Variants in TTC21B observed in about 807,000 individuals in gnomAD.
The protein encoded by TTC21B is tetratricopeptide repeat protein 21B.
TTC21B carries 127 observed loss-of-function variants against 175.1 expected under a neutral mutation model. The observed-to-expected ratio is 0.73, with a 90% confidence interval of 0.63 to 0.84. TTC21B has a LOEUF of 0.84. Among genes scored for constraint, TTC21B ranks in the 40% least tolerant of loss-of-function variants. The probability of loss-of-function intolerance (pLI) is 0.00; values close to 1 mark genes in which losing one functional copy is unlikely to be tolerated. For synonymous variants in TTC21B, 524 were observed against 524.5 expected, an observed-to-expected ratio of 1.00 and a Z score of 0.01; for missense variants, 1,561 against 1,558.3, an observed-to-expected ratio of 1.00 and a Z score of -0.03.
intron 24 of TTC21B, among the ~76,000 whole-genome samples, chr2:165,889,848 C>T (rs951914413): frequency 6.6e-6 from 1 of 152,142 alleles, no homozygotes; most frequent in African/African-American, 2.4e-5. Context: ...TTAAACACTC[C>T]TGAAGACAGA....
At chr2:165,948,029 C>G (rs1445782296) in intron 3 of TTC21B, 1 of 152,182 alleles carries the variant, frequency 6.6e-6, no homozygotes, top group Non-Finnish European at 1.5e-5. Flanking sequence ...AAATTTTCTG[C>G]TCTAGCTAAA....
At chr2:165,880,469 A>G (rs1393782004) in intron 27 of TTC21B, among the ~76,000 whole-genome samples, 1 of 152,206 alleles carries the variant, frequency 6.6e-6, no homozygotes, top group East Asian at 1.9e-4. Context: ...ACACTAAGTG[A>G]CTGAGGACAA....
chr2:165,942,133 G>C (rs1423175705), intron 5 of TTC21B, among the ~76,000 whole-genome samples: 1 of 152,018 alleles, frequency 6.6e-6, no homozygotes, highest in Non-Finnish European at 1.5e-5. Context: ...GAGGGTAGTG[G>C]GCCTGAACAC....
At chr2:165,930,149 A>G (rs771753235) in intron 9 of TTC21B, 23 bp downstream of exon 9, 3 of 1,604,094 alleles carry the variant, frequency 1.9e-6, no homozygotes, top group South Asian at 2.2e-5. Context: ...TATTATAAAT[A>G]TTTATGAAAA....
intron 9 of TTC21B, 123 bp downstream of exon 9, chr2:165,930,049 G>A: frequency 1.2e-6 from 1 of 866,344 alleles, no homozygotes; most frequent in Non-Finnish European, 1.8e-6. Context: ...TTCGAGTGTG[G>A]GCAGTAGAGA....
At chr2:165,939,482 G>T (rs763806480) in intron 6 of TTC21B, among the ~76,000 whole-genome samples, 13 of 152,234 alleles carry the variant, frequency 8.5e-5, no homozygotes, top group South Asian at 6.2e-4. Context: ...TATTACCTAT[G>T]AAATTTACTT....
At chr2:165,914,682 T>TGTGTGTGTGTGTGCGCGCGCGCGC (rs1686089025) in intron 15 of TTC21B, among the ~76,000 whole-genome samples, 1 of 149,760 alleles carries the variant, frequency 6.7e-6, no homozygotes, top group African/African-American at 2.5e-5. Context: ...TGTGTGTGTG[T>TGTGTGTGTGTGTGCGCGCGCGCGC]GTGTGTGTGT....
At chr2:165,949,862 A>G in intron 1 of TTC21B, 138 bp from the exon 2 acceptor site, 1 of 766,780 alleles carries the variant, frequency 1.3e-6, no homozygotes, top group Non-Finnish European at 2.1e-6. Context: ...TTCTTAAAAT[A>G]CTATTAATGG....
At chr2:165,947,589 A>C (rs1055014273) in intron 3 of TTC21B, 12 of 152,416 alleles carry the variant, frequency 7.9e-5, no homozygotes, top group African/African-American at 2.9e-4. Context: ...AGGCAGAAGC[A>C]GGCATTGTAC....
At chr2:165,906,809 G>C (rs1685750604) in intron 19 of TTC21B, among the ~76,000 whole-genome samples, 2 of 151,826 alleles carry the variant, frequency 1.3e-5, no homozygotes, top group South Asian at 2.1e-4. Flanking sequence ...ACAAAAATTA[G>C]CTGGGCATGG....
At position 165,945,708 on chromosome 2, in the gene TTC21B, T is replaced by C; in HGVS notation, c.263-18A>G. 1 of 1,609,220 alleles carries C rather than the reference T, an allele frequency of 6.2e-7. No individual in the cohort carries two copies. The highest frequency in any genetic ancestry group is 2.2e-5 in the East Asian group (1 of 44,778). ...TTCTCTATCTGGTAGGGGAAAATGA[T>C]ATTAAATAAAAATTAAATTCTGGAT... On this transcript the variant is annotated intron_variant, in intron 3 of 28. Transcript: ENST00000243344.
chr2:165,936,529 C>T (rs1247413675), intron 6 of TTC21B, among the ~76,000 whole-genome samples: 1 of 151,920 alleles, frequency 6.6e-6, no homozygotes, highest in Non-Finnish European at 1.5e-5. Flanking sequence ...AAATATTTAT[C>T]AGATATAGAT....
intron 22 of TTC21B, among the ~76,000 whole-genome samples, chr2:165,891,371 C>A (rs1239676117): frequency 6.6e-6 from 1 of 152,142 alleles, no homozygotes; most frequent in Non-Finnish European, 1.5e-5. Flanking sequence ...TCTCTGAGAA[C>A]CCCTCTCCTA....
intron 13 of TTC21B, among the ~76,000 whole-genome samples, chr2:165,918,497 G>A (rs867556991): frequency 6.6e-6 from 1 of 151,952 alleles, no homozygotes; most frequent in Admixed American, 6.6e-5. Flanking sequence ...GGTTTTCACT[G>A]TGTTAGCCAG....
Position 165,949,376 on chromosome 2 carries a change from T to C in TTC21B, c.262+18A>G. 1 of 1,554,148 alleles carries C rather than the reference T, an allele frequency of 6.4e-7. No homozygotes were observed. The highest frequency in any genetic ancestry group is 8.9e-7 in the Non-Finnish European group (1 of 1,125,490). On this transcript the variant is annotated intron_variant, in intron 3 of 28. Transcript: ENST00000243344. ...GAATAGGAAAAAATGTCCTAAGCATTGCATTTAAATATCATACCTGGATTA... is the reference window on the plus strand; with the variant it reads ...GAATAGGAAAAAATGTCCTAAGCATCGCATTTAAATATCATACCTGGATTA...
intron 25 of TTC21B, among the ~76,000 whole-genome samples, chr2:165,886,759 A>T (rs1250973239): frequency 6.6e-6 from 1 of 152,206 alleles, no homozygotes; most frequent in Non-Finnish European, 1.5e-5. Flanking sequence ...TAGTCAAAAT[A>T]AACTTTCTCA....
At chr2:165,937,716 TTTA>T (rs1045317442) in intron 6 of TTC21B, among the ~76,000 whole-genome samples, 3 of 128,146 alleles carry the variant, frequency 2.3e-5, no homozygotes, top group African/African-American at 8.9e-5. Context: ...TATGAGTCTA[TTTA>T]TTATTTTTAA....
At chr2:165,914,624 AC>A (rs1317744014) in intron 15 of TTC21B, among the ~76,000 whole-genome samples, 1 of 130,188 alleles carries the variant, frequency 7.7e-6, no homozygotes, top group African/African-American at 2.9e-5. Context: ...TTCTATGTTT[AC>A]CCTTCTGTTT....
intron 3 of TTC21B, chr2:165,948,063 A>G (rs1311536531): frequency 6.6e-6 from 1 of 152,220 alleles, no homozygotes; most frequent in Non-Finnish European, 1.5e-5. Flanking sequence ...GAGTACGGAG[A>G]AAGGGGATCC....
Sources: gnomAD v4.1 joint callset for allele counts (sites outside exome capture counted in the v4.1 genomes callset) on GRCh38, gnomAD v4.1.1 for gene constraint, MANE v1.5 for transcripts, NCBI Gene and HGNC (gene_info 2026-07-23, HGNC 2026-07-21) for gene names.